Variants in CHODL observed in about 807,000 individuals in gnomAD.
The protein encoded by CHODL is transmembrane protein MT75.
In CHODL, 29 loss-of-function variants were observed where a neutral mutation model predicts 34.5. That is an observed-to-expected ratio of 0.84 (90% CI 0.63 to 1.15). CHODL has a LOEUF of 1.15. CHODL is among the 50% of genes most tolerant of loss of function. The pLI, the probability that CHODL is intolerant of heterozygous loss-of-function variation, is 0.00. For missense variants in CHODL, 332 were observed against 332.5 expected (o/e 1.00, Z 0.01); for synonymous variants, 125 against 116.1 (o/e 1.08, Z -0.49).
chr21:18,069,956 T>TCACTTCTTCC (rs2064776313), intron 2 of CHODL, among the ~76,000 whole-genome samples: 1 of 148,592 alleles, frequency 6.7e-6, no homozygotes, highest in Non-Finnish European at 1.5e-5. Context: ...TCTTCCTCCC[T>TCACTTCTTCC]TCCCTTCCTT....
intron 2 of CHODL, among the ~76,000 whole-genome samples, chr21:18,197,689 T>C (rs2073605798): frequency 6.6e-6 from 1 of 152,160 alleles, no homozygotes; most frequent in Admixed American, 6.5e-5. Flanking sequence ...CAGATGAGGT[T>C]TGAAGAGTAA....
Position 18,245,084 on chromosome 21 carries a change from G to C in CHODL, c.-140G>C, listed in dbSNP as rs1011547586. On this transcript the variant is annotated 5_prime_UTR_variant, in exon 1 of 6. Transcript: ENST00000299295. ...CCCGGCCGAAGGCGATGCGCGCAGG[G>C]GGTCGGGCAGCTGGGCTCGGGCGGC... 3 of 656,502 alleles carry C rather than the reference G, an allele frequency of 4.6e-6. No homozygotes were observed. Among genetic ancestry groups the C allele is most frequent in the Non-Finnish European group, 7.0e-6 (3 of 426,354 alleles). 40.7% of individuals were successfully genotyped at this position (656,502 alleles called of 1,614,324 possible). A position where few individuals can be genotyped will look rare whatever the true frequency, so the allele number is the denominator to read the frequency against.
At chr21:18,013,911 C>T (rs568168730) in intron 1 of CHODL, among the ~76,000 whole-genome samples, 138 of 151,916 alleles carry the variant, frequency 9.1e-4, no homozygotes, top group African/African-American at 2.9e-3. Flanking sequence ...CTGGGATTAC[C>T]GGCGTGAGCC....
intron 2 of CHODL, among the ~76,000 whole-genome samples, chr21:18,106,952 G>A (rs545681541): frequency 2.6e-5 from 4 of 152,290 alleles, no homozygotes; most frequent in Admixed American, 2.6e-4. Flanking sequence ...GAAGGAAAGA[G>A]TATGCTTGAA....
intron 2 of CHODL, among the ~76,000 whole-genome samples, chr21:18,192,610 A>G (rs977021713): frequency 6.6e-6 from 1 of 152,190 alleles, no homozygotes; most frequent in Non-Finnish European, 1.5e-5. Context: ...TGGACATATC[A>G]TTTTGAAAAT....
chr21:18,145,668 T>C (rs1185185806), intron 2 of CHODL, among the ~76,000 whole-genome samples: 1 of 152,198 alleles, frequency 6.6e-6, no homozygotes, highest in Non-Finnish European at 1.5e-5. Flanking sequence ...TGAAATATAT[T>C]ACTGTGTTTC....
intron 2 of CHODL, among the ~76,000 whole-genome samples, chr21:18,164,884 G>A (rs904220020): frequency 1.3e-5 from 2 of 152,188 alleles, no homozygotes; most frequent in Admixed American, 1.3e-4. Context: ...CAAAAAGCCA[G>A]GAGTTACTGT....
intron 2 of CHODL, among the ~76,000 whole-genome samples, chr21:18,144,632 G>A: frequency 6.6e-6 from 1 of 151,952 alleles, no homozygotes; most frequent in East Asian, 1.9e-4. Context: ...TATTTCTCTA[G>A]AAATAATATT....
intron 1 of CHODL, among the ~76,000 whole-genome samples, chr21:17,937,293 G>A (rs1366303192): frequency 1.3e-5 from 2 of 152,070 alleles, no homozygotes; most frequent in African/African-American, 4.8e-5. Context: ...GCCACAGAGA[G>A]GAGAATACCT....
At chr21:18,036,159 T>G (rs2064307145) in intron 2 of CHODL, among the ~76,000 whole-genome samples, 1 of 152,032 alleles carries the variant, frequency 6.6e-6, no homozygotes, top group South Asian at 2.1e-4. Flanking sequence ...TAGGGCCAAT[T>G]ATCCTTTATT....
At chr21:17,921,633 G>A (rs948155433) in intron 1 of CHODL, among the ~76,000 whole-genome samples, 1 of 152,240 alleles carries the variant, frequency 6.6e-6, no homozygotes, top group African/African-American at 2.4e-5. Context: ...ATTGAGACGT[G>A]TGAGAAATAG....
intron 2 of CHODL, among the ~76,000 whole-genome samples, chr21:18,121,119 C>G (rs2065473870): frequency 6.6e-6 from 1 of 152,104 alleles, no homozygotes; most frequent in Admixed American, 6.5e-5. Context: ...CTCAGGGCTT[C>G]TCTTCTTTCT....
chr21:18,249,039 A>G (rs2074198596), intron 1 of CHODL, among the ~76,000 whole-genome samples: 1 of 121,622 alleles, frequency 8.2e-6, no homozygotes, highest in Admixed American at 1.0e-4. Context: ...TAATATATAT[A>G]ATATTATATA....
At position 17,982,793 on chromosome 21, in the gene CHODL, C is replaced by T. The variant is rs147473141; in HGVS notation, c.-144-45079C>T. Among the ~76,000 whole-genome samples, 855 of 149,118 alleles carry T rather than the reference C, an allele frequency of 5.7e-3. 7 individuals are homozygous for T. The highest frequency in any genetic ancestry group is 0.014 in the African/African-American group (559 of 40,312). ...CAGGATCTTGGCTCACTGCAACCTC[C>T]GCCTCCCAGGTTCATGTGATTCTCC... is the stretch of plus-strand genomic sequence containing the variant. On this transcript the variant is annotated intron_variant, in intron 1 of 6. Coordinates refer to the CHODL transcript ENST00000400127.
intron 1 of CHODL, among the ~76,000 whole-genome samples, chr21:17,966,126 G>T (rs197524): frequency 0.011 from 1,647 of 152,164 alleles, 24 homozygotes; most frequent in African/African-American, 0.037. Flanking sequence ...AGAAATGATG[G>T]AGAGATGGCA....
intron 1 of CHODL, among the ~76,000 whole-genome samples, chr21:18,022,731 G>T (rs1458383990): frequency 6.6e-6 from 1 of 152,032 alleles, no homozygotes; most frequent in Non-Finnish European, 1.5e-5. Context: ...TTATTCTTTT[G>T]TCATGGGAAT....
chr21:18,251,089 G>T (rs890692945), intron 1 of CHODL, among the ~76,000 whole-genome samples: 1 of 151,384 alleles, frequency 6.6e-6, no homozygotes, highest in Non-Finnish European at 1.5e-5. Flanking sequence ...GATCCTTTCT[G>T]CTCAGAAAGA....
chr21:17,924,489 C>T (rs188138426), intron 1 of CHODL, among the ~76,000 whole-genome samples: 2 of 152,288 alleles, frequency 1.3e-5, no homozygotes, highest in Non-Finnish European at 2.9e-5. Context: ...CTGCCAACTC[C>T]TCTTCCCTGG....
chr21:18,089,916 A>C (rs1029411410), intron 2 of CHODL, among the ~76,000 whole-genome samples: 1 of 152,222 alleles, frequency 6.6e-6, no homozygotes, highest in Non-Finnish European at 1.5e-5. Flanking sequence ...AGGGTTACAG[A>C]CTAAGAGATT....
Sources: gnomAD v4.1 joint callset for allele counts (sites outside exome capture counted in the v4.1 genomes callset) on GRCh38, gnomAD v4.1.1 for gene constraint, MANE v1.5 for transcripts, NCBI Gene and HGNC (gene_info 2026-07-23, HGNC 2026-07-21) for gene names.